Variants in EBF1 observed in about 807,000 individuals in gnomAD.
The protein encoded by EBF1 is transcription factor COE1.
A neutral mutation model predicts 68.4 loss-of-function variants in EBF1; 10 were observed. The ratio of observed to expected loss-of-function variants is 0.15; its 90% CI spans 0.09 to 0.25. EBF1 has a LOEUF of 0.25. EBF1 is among the 10% of genes least tolerant of loss of function. EBF1 has a pLI of 1.00. For missense variants in EBF1, 509 were observed against 794.4 expected, an observed-to-expected ratio of 0.64 and a Z score of 4.32; for synonymous variants, 298 against 299.8, an observed-to-expected ratio of 0.99 and a Z score of 0.06.
intron 7 of EBF1, among the ~76,000 whole-genome samples, chr5:158,826,089 C>G (rs1458535659): frequency 6.6e-6 from 1 of 152,110 alleles, no homozygotes; most frequent in Non-Finnish European, 1.5e-5. Flanking sequence ...AATCTTCAAC[C>G]TTCCTAAATT....
At chr5:159,096,570 G>GC (rs1361891898) in intron 2 of EBF1, 164 bp from the exon 3 acceptor site, 6 of 735,302 alleles carry the variant, frequency 8.2e-6, no homozygotes, top group Non-Finnish European at 1.4e-5. Context: ...TCCCTCCTCC[G>GC]CCCCCTGTTC....
chr5:158,961,233 T>C (rs1043655139), intron 6 of EBF1, among the ~76,000 whole-genome samples: 2 of 152,154 alleles, frequency 1.3e-5, no homozygotes, highest in Non-Finnish European at 2.9e-5. Context: ...CAGTATAACC[T>C]TTTTGGAGGG....
chr5:158,767,616 C>A (rs1456188113), intron 10 of EBF1, among the ~76,000 whole-genome samples: 1 of 146,868 alleles, frequency 6.8e-6, no homozygotes, highest in Non-Finnish European at 1.5e-5. Flanking sequence ...TCAGGGGTGG[C>A]ACCAGGGGGT....
intron 10 of EBF1, among the ~76,000 whole-genome samples, chr5:158,749,612 AT>A (rs1331070779): frequency 6.6e-6 from 1 of 152,142 alleles, no homozygotes; most frequent in Non-Finnish European, 1.5e-5. Context: ...CCTCCTAGCA[AT>A]GCCATTAGTT....
At chr5:159,075,358 A>G (rs1778570899) in intron 5 of EBF1, among the ~76,000 whole-genome samples, 1 of 152,140 alleles carries the variant, frequency 6.6e-6, no homozygotes, top group Admixed American at 6.5e-5. Context: ...CAGGTCTCCA[A>G]AAGCAGCCCA....
chr5:158,986,652 C>A (rs1179285362), intron 6 of EBF1, among the ~76,000 whole-genome samples: 2 of 152,150 alleles, frequency 1.3e-5, no homozygotes, highest in South Asian at 2.1e-4. Context: ...ATCTGAGGAC[C>A]AAATTAAGTT....
intron 6 of EBF1, among the ~76,000 whole-genome samples, chr5:158,968,151 A>G (rs1328533889): frequency 2.0e-5 from 3 of 152,238 alleles, no homozygotes; most frequent in African/African-American, 7.2e-5. Context: ...TAATGCTTCC[A>G]CTGAGATCCC....
At chr5:158,948,705 C>G (rs1037510900) in intron 6 of EBF1, among the ~76,000 whole-genome samples, 53 of 152,186 alleles carry the variant, frequency 3.5e-4, no homozygotes, top group African/African-American at 1.2e-3. Context: ...CTTGCTTTCT[C>G]CAGTCTCCAG....
At chr5:158,837,483 C>T (rs1789066187) in intron 7 of EBF1, among the ~76,000 whole-genome samples, 1 of 152,172 alleles carries the variant, frequency 6.6e-6, no homozygotes, top group African/African-American at 2.4e-5. Context: ...CAATTTTCCT[C>T]CATTTTACAG....
chr5:159,067,685 GTAT>G (rs1410397925), intron 6 of EBF1, among the ~76,000 whole-genome samples: 6 of 152,134 alleles, frequency 3.9e-5, no homozygotes, highest in Admixed American at 1.3e-4. Flanking sequence ...ATTCAGAATG[GTAT>G]TATCTGATAT....
At chr5:159,072,332 G>A (rs1475300075) in intron 6 of EBF1, among the ~76,000 whole-genome samples, 6 of 152,138 alleles carry the variant, frequency 3.9e-5, no homozygotes, top group Non-Finnish European at 7.4e-5. Flanking sequence ...ATGTTGAAGC[G>A]AAGTAAACAT....
At chr5:159,057,104 C>CTTTTTTTTTTTTTT (rs1205129627) in intron 6 of EBF1, among the ~76,000 whole-genome samples, 43 of 110,630 alleles carry the variant, frequency 3.9e-4, no homozygotes, top group South Asian at 9.3e-4. Context: ...CTTTTCTTTT[C>CTTTTTTTTTTTTTT]TTTTTTTTTT....
chr5:158,928,616 T>G (rs931599927), intron 6 of EBF1, among the ~76,000 whole-genome samples: 2 of 152,220 alleles, frequency 1.3e-5, no homozygotes, highest in Non-Finnish European at 2.9e-5. Flanking sequence ...GAAATTGGGA[T>G]GTCCATTCTT....
intron 6 of EBF1, among the ~76,000 whole-genome samples, chr5:158,969,916 G>GAAAGAAAAAAAA (rs1208082154): frequency 1.1e-4 from 9 of 80,088 alleles, no homozygotes; most frequent in Non-Finnish European, 2.3e-4. Context: ...AAGAAAGAAA[G>GAAAGAAAAAAAA]AAAAAAAAAA....
chr5:158,704,040 C>T (rs1581157200), intron 15 of EBF1, among the ~76,000 whole-genome samples: 1 of 152,236 alleles, frequency 6.6e-6, no homozygotes, highest in East Asian at 1.9e-4. Context: ...AGGGGCTTAA[C>T]ATAGTCCAGT....
chr5:159,010,955 T>C (rs1764541601), intron 6 of EBF1, among the ~76,000 whole-genome samples: 1 of 152,244 alleles, frequency 6.6e-6, no homozygotes, highest in Non-Finnish European at 1.5e-5. Context: ...AGTTACAACT[T>C]AAAGTCCAGT....
intron 6 of EBF1, among the ~76,000 whole-genome samples, chr5:158,897,991 C>A (rs1802496852): frequency 6.6e-6 from 1 of 152,152 alleles, no homozygotes. Context: ...TGCTGGCCAT[C>A]ACTATTTGCC....
intron 6 of EBF1, among the ~76,000 whole-genome samples, chr5:158,980,006 G>A (rs1192777012): frequency 6.6e-6 from 1 of 152,052 alleles, no homozygotes; most frequent in Non-Finnish European, 1.5e-5. Flanking sequence ...GCAAATGACC[G>A]AGGTTCTTCT....
intron 6 of EBF1, among the ~76,000 whole-genome samples, chr5:159,032,643 T>C (rs937934831): frequency 3.9e-4 from 59 of 152,224 alleles, no homozygotes; most frequent in African/African-American, 1.3e-3. Flanking sequence ...CCAGAGTCTG[T>C]CTGTCTCCCT....
Sources: gnomAD v4.1 joint callset for allele counts (sites outside exome capture counted in the v4.1 genomes callset) on GRCh38, gnomAD v4.1.1 for gene constraint, MANE v1.5 for transcripts, NCBI Gene and HGNC (gene_info 2026-07-23, HGNC 2026-07-21) for gene names.